Variants in CPXM2 observed in about 807,000 individuals in gnomAD.
CPXM2 encodes the protein inactive carboxypeptidase-like protein X2.
Under a neutral mutation model 86.1 loss-of-function variants are expected in CPXM2, and 66 were observed. That is an observed-to-expected ratio of 0.77 (90% CI 0.63 to 0.94). The LOEUF is 0.94. Among genes scored for constraint, CPXM2 ranks in the 40% least tolerant of loss-of-function variants. The probability of loss-of-function intolerance (pLI) is 0.00; values close to 1 mark genes in which losing one functional copy is unlikely to be tolerated. For missense variants in CPXM2, 948 were observed against 1,026.3 expected (o/e 0.92, Z 1.04); for synonymous variants, 388 against 400.2 (o/e 0.97, Z 0.36).
At chr10:123,839,210 G>C (rs1396985016) in intron 4 of CPXM2, among the ~76,000 whole-genome samples, 1 of 152,054 alleles carries the variant, frequency 6.6e-6, no homozygotes, top group Non-Finnish European at 1.5e-5. Context: ...CCCATTTTTA[G>C]AGAACAGGAA....
chr10:123,922,479 T>C (rs561889060), intron 2 of CPXM2, among the ~76,000 whole-genome samples: 77 of 152,370 alleles, frequency 5.1e-4, no homozygotes, highest in Non-Finnish European at 9.4e-4. Context: ...GTGCTTTAGG[T>C]ATTCACTCAT....
In CPXM2 at chr10:123,767,083, G is replaced by C; in HGVS notation, c.1369C>G (p.Pro457Ala). 6.2e-7 allele frequency: 1 copy of C among 1,614,180 alleles called. No homozygotes were observed. Among genetic ancestry groups the C allele is most frequent in the South Asian group, 1.1e-5 (1 of 91,080 alleles). ...HDGIDINNNF[P>A]DLNTLLWEAE... ...TCCCAGAGCAGCGTGTTTAAATCAGGAAAGTTGTTGTTGATGTCAATTCCA... is the reference window on the plus strand; with the variant it reads ...TCCCAGAGCAGCGTGTTTAAATCAGCAAAGTTGTTGTTGATGTCAATTCCA... The change falls in exon 10 of 14, where the codon CCT becomes GCT. Residue 457 changes from proline (P) to alanine (A), a missense_variant. Coordinates refer to ENST00000241305, the MANE Select transcript of CPXM2 (RefSeq NM_198148.3).
intron 4 of CPXM2, among the ~76,000 whole-genome samples, chr10:123,812,296 C>A (rs1847710906): frequency 6.6e-6 from 1 of 152,170 alleles, no homozygotes; most frequent in African/African-American, 2.4e-5. Context: ...CATGGATGAT[C>A]CTGTGAAGCA....
rs28680889 is a variant in CPXM2, at chr10:123,865,170, G to A, written c.404-2447C>T. Among the ~76,000 whole-genome samples, 15,319 of 152,216 alleles carry A rather than the reference G, an allele frequency of 0.1. 1,139 individuals are homozygous for A. The highest frequency in any genetic ancestry group is 0.14 in the Non-Finnish European group (9,353 of 68,006). The stretch of plus-strand genomic sequence containing the variant: ...AAACACACACGAACTTGGCCTGCTC[G>A]CAAACGTAGTCTTACAGGAACCCAA... On this transcript the variant is annotated intron_variant, in intron 2 of 13. Transcript: ENST00000241305. The surrounding 1 kb of genome is among the most constrained non-coding windows in gnomAD (Gnocchi z 4.7).
In CPXM2 at chr10:123,891,395, G is replaced by A; in HGVS notation, c.265C>T (p.Pro89Ser). The A allele has an allele frequency of 1.3e-6, 2 of 1,569,168 alleles. No homozygotes were observed. Among genetic ancestry groups the A allele is most frequent in the South Asian group, 1.2e-5 (1 of 85,550 alleles). Reference sequence around the variant, plus strand: ...TCCGGAGCCGACTTCTCCCTCTTGGGAGCTTTCTTGGGCTTGGTGGCCCTC... The same window carrying A: ...TCCGGAGCCGACTTCTCCCTCTTGGAAGCTTTCTTGGGCTTGGTGGCCCTC... Reference protein sequence around the residue: ...PKRATKPKKAPKREKSAPEPP... With the variant: ...PKRATKPKKASKREKSAPEPP... Residue 89 changes from proline (P) to serine (S), a missense_variant, in exon 1 of 14, where the codon CCC (proline) becomes TCC (serine). Physicochemically the swap from Pro to Ser is moderately conservative, Grantham distance 74. Coordinates refer to ENST00000241305, the MANE Select transcript of CPXM2 (RefSeq NM_198148.3). The surrounding 1 kb of genome is among the most constrained non-coding windows in gnomAD (Gnocchi z 5.6).
intron 2 of CPXM2, among the ~76,000 whole-genome samples, chr10:123,926,619 T>C (rs1035345857): frequency 6.6e-6 from 1 of 152,266 alleles, no homozygotes; most frequent in Non-Finnish European, 1.5e-5. Flanking sequence ...TCTGCAAAGC[T>C]TTCTTAACAG....
chr10:123,853,103 T>C (rs776697932), intron 3 of CPXM2, among the ~76,000 whole-genome samples: 37 of 152,080 alleles, frequency 2.4e-4, no homozygotes, highest in Non-Finnish European at 8.8e-5. Flanking sequence ...TGAGTTCTCA[T>C]GAGATCTAGT....
At chr10:123,918,325 G>A (rs779833499) in intron 2 of CPXM2, among the ~76,000 whole-genome samples, 11 of 152,126 alleles carry the variant, frequency 7.2e-5, no homozygotes, top group Non-Finnish European at 1.2e-4. Flanking sequence ...GGCAGGTTTC[G>A]ATTCTGGCTA....
intron 3 of CPXM2, among the ~76,000 whole-genome samples, chr10:123,854,361 A>T (rs1284597399): frequency 1.8e-4 from 22 of 119,770 alleles, no homozygotes; most frequent in African/African-American, 3.6e-4. Context: ...TATATATAAA[A>T]ATATATATAT....
chr10:123,751,839 A>AAT (rs1292179830), intron 13 of CPXM2: 1 of 985,228 alleles, frequency 1.0e-6, no homozygotes, highest in Non-Finnish European at 1.2e-6. Context: ...CTGTCATGAG[A>AAT]ATACACTGGG....
At chr10:123,864,261 G>T (rs1477587790) in intron 2 of CPXM2, among the ~76,000 whole-genome samples, 1 of 151,974 alleles carries the variant, frequency 6.6e-6, no homozygotes, top group Non-Finnish European at 1.5e-5. Flanking sequence ...CACTGAGAGA[G>T]AGACCCCACC....
chr10:123,920,830 A>G (rs1245502735), intron 2 of CPXM2, among the ~76,000 whole-genome samples: 1 of 152,162 alleles, frequency 6.6e-6, no homozygotes, highest in Non-Finnish European at 1.5e-5. Context: ...TTATAAAAGG[A>G]TGAGTTTGAC....
At chr10:123,918,259 A>G (rs1945550745) in intron 2 of CPXM2, among the ~76,000 whole-genome samples, 1 of 152,246 alleles carries the variant, frequency 6.6e-6, no homozygotes, top group Non-Finnish European at 1.5e-5. Context: ...GAGAAATTTC[A>G]AGAAATTATG....
intron 13 of CPXM2, chr10:123,750,972 G>A (rs570073677): frequency 1.0e-6 from 1 of 985,302 alleles, no homozygotes; most frequent in Non-Finnish European, 1.2e-6. Context: ...GCAGTGTTGG[G>A]CTGTTGTCCC....
chr10:123,755,283 G>A (rs1184964201), intron 12 of CPXM2, among the ~76,000 whole-genome samples: 1 of 152,194 alleles, frequency 6.6e-6, no homozygotes, highest in African/African-American at 2.4e-5. Flanking sequence ...CTGCTGAGGG[G>A]GAAGTGACAG....
chr10:123,845,329 A>C (rs1247944271), intron 3 of CPXM2, among the ~76,000 whole-genome samples: 1 of 152,088 alleles, frequency 6.6e-6, no homozygotes, highest in Non-Finnish European at 1.5e-5. Context: ...AACAGAAAAA[A>C]AAAATGCAAA....
At chr10:123,790,684 G>A (rs949801473) in intron 6 of CPXM2, among the ~76,000 whole-genome samples, 35 of 152,094 alleles carry the variant, frequency 2.3e-4, no homozygotes, top group African/African-American at 4.8e-4. Context: ...GAATAAAGGC[G>A]TCTCACAGGT....
At chr10:123,898,400 T>C (rs992035714) in intron 2 of CPXM2, among the ~76,000 whole-genome samples, 3 of 152,200 alleles carry the variant, frequency 2.0e-5, no homozygotes, top group African/African-American at 7.2e-5. Context: ...GCTGTAGTAC[T>C]CTATAATCAC....
intron 2 of CPXM2, among the ~76,000 whole-genome samples, chr10:123,899,084 G>A (rs1358492771): frequency 2.6e-5 from 4 of 152,098 alleles, no homozygotes; most frequent in Admixed American, 6.5e-5. Context: ...AGAAAAAGAG[G>A]GAAATCTACT....
Sources: allele counts gnomAD v4.1 joint callset (sites outside exome capture counted in the v4.1 genomes callset), GRCh38; gene constraint gnomAD v4.1.1; non-coding constraint Gnocchi (gnomAD v3.1); transcripts MANE v1.5; gene names NCBI Gene and HGNC (gene_info 2026-07-23, HGNC 2026-07-21).